TMEM201: variants seen among roughly 807,000 people sequenced by gnomAD.
TMEM201 encodes transmembrane protein 201.
A neutral mutation model predicts 63.4 loss-of-function variants in TMEM201; 26 were observed. The observed-to-expected ratio is 0.41, with a 90% CI of 0.30 to 0.57. The LOEUF (loss-of-function observed/expected upper bound fraction) is 0.57, where lower values mean the gene tolerates loss of function less well. Among genes scored for constraint, TMEM201 ranks in the 20% least tolerant of loss-of-function variants. The pLI is 0.29. For synonymous variants in TMEM201, 417 were observed against 421.6 expected (o/e 0.99, Z 0.14); for missense variants, 794 against 917.7 (o/e 0.87, Z 1.74).
intron 1 of TMEM201, among the ~76,000 whole-genome samples, chr1:9,593,542 T>C (rs1323830979): frequency 6.6e-6 from 1 of 152,170 alleles, no homozygotes; most frequent in Non-Finnish European, 1.5e-5. Flanking sequence ...GGCTAATCCC[T>C]TGCCTCCCCC....
chr1:9,602,032 G>A (rs748217365), intron 5 of TMEM201, 37 bp from the exon 6 acceptor site: 1 of 1,594,276 alleles, frequency 6.3e-7, no homozygotes, highest in Admixed American at 1.7e-5. Flanking sequence ...AGGAGGTCTT[G>A]TCCTCCCCTG....
chr1:9,604,850 T>A lies in TMEM201; in HGVS notation c.1160+2578T>A. On this transcript the variant is annotated intron_variant, in intron 6 of 10. Transcript: ENST00000340381. The surrounding 1 kb of genome is among the most constrained non-coding windows in gnomAD (Gnocchi z 4.1). Reference sequence around the variant, plus strand: ...CTCATGTCGTAGAATTGTGGATAATTGTCTAGTGACCCTCTCATCACTGTA... The same window carrying A: ...CTCATGTCGTAGAATTGTGGATAATAGTCTAGTGACCCTCTCATCACTGTA... The A allele has an allele frequency of 1.1e-5, 11 of 985,994 alleles. No individual in the cohort carries two copies. The highest frequency in any genetic ancestry group is 1.3e-5 in the Non-Finnish European group (11 of 829,994). The allele number at this position is 985,994 out of a possible 1,614,324, so 61.1% of individuals were successfully genotyped here.
intron 10 of TMEM201, 72 bp from the exon 11 acceptor site, chr1:9,612,914 C>G: frequency 7.4e-7 from 1 of 1,348,640 alleles, no homozygotes; most frequent in Non-Finnish European, 1.0e-6. Context: ...ACTGCATGCT[C>G]TAGGGGGCTG....
rs900927614 is a variant in TMEM201, at chr1:9,611,653, A to C, written c.1766-100A>C. On this transcript the variant is annotated intron_variant, in intron 9 of 10. Transcript: ENST00000340381. ...GTGGCTTGGGACAGCCTGGCTCACC[A>C]CTTCTGACAACTGTCCTTAGAGTGG... 9.8e-5 allele frequency: 146 copies of C among 1,490,590 alleles called. 4 individuals are homozygous for C. In the South Asian group the frequency reaches 1.7e-3, roughly 17 times the overall value. The allele number at this position is 1,490,590 out of a possible 1,614,324, so 92.3% of individuals were successfully genotyped here.
In TMEM201 at chr1:9,598,538, C is replaced by T. The variant is rs770976122; in HGVS notation, c.519C>T (p.Tyr173=). The change falls in exon 4 of 11, where the codon TAC becomes TAT. Residue 173 remains tyrosine, a synonymous_variant. Coordinates refer to ENST00000340381, the MANE Select transcript of TMEM201 (RefSeq NM_001130924.3). ...GGCCGTGCCAAGCGGCTGTGGAGTA[C>T]TACATCAAGCACCAGAACCGCCAGC... The part of the protein sequence containing the change: ...LCRPCQAAVE[Y]YIKHQNRQLR... 2 of 1,613,862 alleles carry T rather than the reference C, an allele frequency of 1.2e-6. No individual in the cohort carries two copies.
chr1:9,602,581 C>T, intron 6 of TMEM201: 1 of 1,294,638 alleles, frequency 7.7e-7, no homozygotes, highest in Non-Finnish European at 9.9e-7. Flanking sequence ...AGCGCCCACA[C>T]AGGCTCTGGC....
At chr1:9,601,998 A>G in intron 5 of TMEM201, 71 bp from the exon 6 acceptor site, 2 of 1,532,628 alleles carry the variant, frequency 1.3e-6, no homozygotes, top group Non-Finnish European at 1.8e-6. Context: ...TAGACAGAGG[A>G]GGCAGGAAGG....
intron 6 of TMEM201, chr1:9,602,710 G>A (rs995779769): frequency 2.9e-6 from 3 of 1,046,998 alleles, no homozygotes; most frequent in Non-Finnish European, 1.2e-6. Flanking sequence ...CTGCACAGGG[G>A]TGGTGACAGT....
chr1:9,602,208 G>C lies in TMEM201; in HGVS notation c.1096G>C (p.Val366Leu). 2 of 1,613,110 alleles carry C rather than the reference G, an allele frequency of 1.2e-6. No individual in the cohort carries two copies. Among genetic ancestry groups the C allele is most frequent in the Non-Finnish European group, 1.7e-6 (2 of 1,180,012 alleles). ...KFSTTSLCCL[V>L]GFTAAVATRK... ...CAGCACCACATCTTTGTGCTGCCTG[G>C]TTGGCTTCACGGCGGCTGTGGCCAC... Residue 366 changes from valine (V) to leucine (L), a missense_variant, in exon 6 of 11, where the codon GTT becomes CTT. By Grantham distance (32) the Val-to-Leu change is conservative. Coordinates refer to ENST00000340381, the MANE Select transcript of TMEM201 (RefSeq NM_001130924.3).
In TMEM201 at chr1:9,592,528, A is replaced by G. The variant is rs561505979; in HGVS notation, c.114-3362A>G. Among the ~76,000 whole-genome samples the G allele has an allele frequency of 6.6e-5, 10 of 152,188 alleles. No individual in the cohort carries two copies. The East Asian group carries it at 1.7e-3, about 26-fold the overall frequency. ...GTGCCCCCTCTAGCAGGTTCCCCCT[A>G]CCTGGTGCTTTCCTAGGCTGAGGAC... is the stretch of plus-strand genomic sequence containing the variant. On this transcript the variant is annotated intron_variant, in intron 1 of 10. Coordinates refer to ENST00000340381, the MANE Select transcript of TMEM201 (RefSeq NM_001130924.3).
At chr1:9,593,190 C>T (rs987265889) in intron 1 of TMEM201, among the ~76,000 whole-genome samples, 2 of 152,226 alleles carry the variant, frequency 1.3e-5, no homozygotes, top group African/African-American at 2.4e-5. Flanking sequence ...CAGAGGCAAG[C>T]ATAGGCTAGG....
At chr1:9,591,344 C>G (rs1246776241) in intron 1 of TMEM201, among the ~76,000 whole-genome samples, 2 of 152,254 alleles carry the variant, frequency 1.3e-5, no homozygotes, top group Admixed American at 6.5e-5. Flanking sequence ...GGCCCTGCCT[C>G]GCACCAGAAC....
rs146376987 is a variant in TMEM201 at position 9,601,354 on chromosome 1, C to T, written c.856C>T (p.Leu286=). 37 of 1,607,424 alleles carry T rather than the reference C, an allele frequency of 2.3e-5. No individual in the cohort carries two copies. The highest frequency in any genetic ancestry group is 3.1e-5 in the Non-Finnish European group (37 of 1,179,876). ...GLLPEHMAEK[L]CEAWAFGQSH... is the part of the protein sequence containing the mutation. ...ACTCCCCGAGCACATGGCGGAGAAG[C>T]TGTGTGAGGCCTGGGCCTTTGGGCA... is the stretch of plus-strand genomic sequence containing the variant. Residue 286 remains leucine, a synonymous_variant, in exon 5 of 11, where the codon CTG becomes TTG. Coordinates refer to ENST00000340381, the MANE Select transcript of TMEM201 (RefSeq NM_001130924.3).
intron 9 of TMEM201, 111 bp from the exon 10 acceptor site, chr1:9,611,642 C>A: frequency 7.0e-7 from 1 of 1,430,022 alleles, no homozygotes; most frequent in Non-Finnish European, 9.6e-7. Context: ...CTTGGGACAG[C>A]CTGGCTCACC....
At position 9,607,876 on chromosome 1, in the gene TMEM201, C is replaced by A; in HGVS notation, c.1393+87C>A. On this transcript the variant is annotated intron_variant, in intron 7 of 10. Coordinates refer to ENST00000340381, the MANE Select transcript of TMEM201 (RefSeq NM_001130924.3). This position sits in a 1 kb window ranked among gnomAD's most constrained non-coding sequence, Gnocchi z 5.4. ...GATGGGTACATAGTGTAGGGAGGGC[C>A]GGGAGTGGTTAGTGTTCCTGCTGCA... The A allele has an allele frequency of 2.3e-6, 3 of 1,288,690 alleles. No homozygotes were observed. The highest frequency in any genetic ancestry group is 4.5e-5 in the Admixed American group (2 of 44,132). The allele number at this position is 1,288,690 out of a possible 1,614,324, so 79.8% of individuals were successfully genotyped here.
intron 6 of TMEM201, chr1:9,602,478 C>G: frequency 7.0e-7 from 1 of 1,431,308 alleles, no homozygotes; most frequent in Non-Finnish European, 9.2e-7. Flanking sequence ...TCGGGCACCA[C>G]CAGCCATCCC....
At chr1:9,606,445 C>CT (rs1644245226) in intron 6 of TMEM201, 1 of 152,252 alleles carries the variant, frequency 6.6e-6, no homozygotes, top group Non-Finnish European at 1.5e-5. Flanking sequence ...TGGCCCCACA[C>CT]TTTCCTTATA....
rs1557559676 is a variant in TMEM201, at chr1:9,605,988, G to A, written c.1161-1569G>A. Among the ~76,000 whole-genome samples the A allele has an allele frequency of 1.3e-5, 2 of 152,188 alleles. No homozygotes were observed. The highest frequency in any genetic ancestry group is 1.3e-4 in the Admixed American group (2 of 15,270). ...CTATGTCTGTGCTGCCGGGCAGGGTGGGCACAGGAAGCCTAGCGCAGAGCC... is the reference window on the plus strand; with the variant it reads ...CTATGTCTGTGCTGCCGGGCAGGGTAGGCACAGGAAGCCTAGCGCAGAGCC... On this transcript the variant is annotated intron_variant, in intron 6 of 10. Coordinates refer to ENST00000340381, the MANE Select transcript of TMEM201 (RefSeq NM_001130924.3). This position sits in a 1 kb window ranked among gnomAD's most constrained non-coding sequence, Gnocchi z 5.7.
rs1644359343 is a variant in TMEM201, at chr1:9,614,026, G to A, written c.*943G>A. The A allele has an allele frequency of 6.6e-6, 1 of 152,278 alleles. No individual in the cohort carries two copies. Among genetic ancestry groups the A allele is most frequent in the Admixed American group, 6.5e-5 (1 of 15,280 alleles). The allele number at this position is 152,278 out of a possible 1,614,324, so 9.4% of individuals were successfully genotyped here. On this transcript the variant is annotated 3_prime_UTR_variant, in exon 11 of 11. Transcript: ENST00000340381. ...GGTTCTCTTGCCCACTCCCCTGCTGGGGCTCCTTCCTGGCACTGAGGAGGG... is the reference window on the plus strand; with the variant it reads ...GGTTCTCTTGCCCACTCCCCTGCTGAGGCTCCTTCCTGGCACTGAGGAGGG...
Sources: gnomAD v4.1 joint callset for allele counts (sites outside exome capture counted in the v4.1 genomes callset) on GRCh38, gnomAD v4.1.1 for gene constraint, Gnocchi (gnomAD v3.1) non-coding constraint, MANE v1.5 for transcripts, NCBI Gene and HGNC (gene_info 2026-07-23, HGNC 2026-07-21) for gene names.